Variants in ABCC2 observed in about 807,000 individuals in gnomAD.
ABCC2 encodes the protein ATP-binding cassette sub-family C member 2.
Under a neutral mutation model 173.4 loss-of-function variants are expected in ABCC2, and 157 were observed. The observed-to-expected ratio is 0.91, with a 90% confidence interval of 0.80 to 1.03. The LOEUF is 1.03. Among genes scored for constraint, ABCC2 ranks in the 50% least tolerant of loss-of-function variants. ABCC2 has a pLI of 0.00. For synonymous variants in ABCC2, 657 were observed against 693.5 expected (o/e 0.95, Z 0.83); for missense variants, 1,822 against 1,852.3 (o/e 0.98, Z 0.30).
intron 23 of ABCC2, 43 bp from the exon 24 acceptor site, chr10:99,834,337 G>C: frequency 6.2e-7 from 1 of 1,603,916 alleles, no homozygotes; most frequent in Non-Finnish European, 8.5e-7. Context: ...ACTATCTTAG[G>C]AAGACCTCAG....
chr10:99,821,954 C>T (rs923282285), intron 19 of ABCC2, among the ~76,000 whole-genome samples: 10 of 151,958 alleles, frequency 6.6e-5, no homozygotes, highest in East Asian at 5.8e-4. Flanking sequence ...CAATTTTGGA[C>T]TGCAGGCATT....
chr10:99,800,687 A>G, intron 9 of ABCC2, 124 bp downstream of exon 9: 1 of 1,109,572 alleles, frequency 9.0e-7, no homozygotes, highest in East Asian at 2.4e-5. Context: ...TTGACTGGCC[A>G]TACAGCCTCC....
chr10:99,795,739 G>GA (rs1590145310), intron 6 of ABCC2, among the ~76,000 whole-genome samples: 1 of 27,086 alleles, frequency 3.7e-5, no homozygotes. Flanking sequence ...AAGAAAGAAG[G>GA]AAAGAAAGAA....
intron 9 of ABCC2, 29 bp downstream of exon 9, chr10:99,800,592 A>C: frequency 6.2e-7 from 1 of 1,612,308 alleles, no homozygotes; most frequent in East Asian, 2.2e-5. Context: ...GTATCACCAA[A>C]GAAAATCCCC....
intron 21 of ABCC2, among the ~76,000 whole-genome samples, chr10:99,831,198 ATC>A (rs1273589495): frequency 6.6e-6 from 1 of 152,100 alleles, no homozygotes; most frequent in Non-Finnish European, 1.5e-5. Flanking sequence ...GAACCCCATC[ATC>A]TGTTCCACTC....
intron 2 of ABCC2, 72 bp from the exon 3 acceptor site, chr10:99,792,162 C>T (rs1275349079): frequency 1.5e-5 from 24 of 1,598,058 alleles, no homozygotes; most frequent in South Asian, 8.9e-5. Context: ...TATCCATCAC[C>T]GGAAACCATT....
intron 19 of ABCC2, among the ~76,000 whole-genome samples, chr10:99,822,151 G>A (rs975961785): frequency 1.2e-3 from 179 of 152,280 alleles, no homozygotes; most frequent in African/African-American, 3.7e-3. Context: ...AATTAAGGGC[G>A]GGAAAGGCAC....
intron 9 of ABCC2, among the ~76,000 whole-genome samples, chr10:99,800,857 T>C (rs2038005356): frequency 6.6e-6 from 1 of 152,180 alleles, no homozygotes; most frequent in African/African-American, 2.4e-5. Flanking sequence ...CCCATCCATC[T>C]CTTCCTGCCT....
chr10:99,850,943 C>G, intron 31 of ABCC2, 147 bp downstream of exon 31: 1 of 1,034,368 alleles, frequency 9.7e-7, no homozygotes, highest in Non-Finnish European at 1.5e-6. Context: ...GTCAAGTAAT[C>G]TGGCCAAAAT....
In ABCC2 at chr10:99,819,282, G is replaced by C; in HGVS notation, c.2620+13G>C. The C allele has an allele frequency of 6.2e-7, 1 of 1,611,870 alleles. No individual in the cohort carries two copies. The highest frequency in any genetic ancestry group is 8.5e-7 in the Non-Finnish European group (1 of 1,179,368). On this transcript the variant is annotated intron_variant, in intron 19 of 31. Transcript: ENST00000647814. ...GAGGAAGCCACAGGTATGTAAGAAG[G>C]ATTGGGACAAGATAGAACTTGGGCC...
intron 2 of ABCC2, 44 bp from the exon 3 acceptor site, chr10:99,792,190 T>C (rs778415421): frequency 8.1e-6 from 13 of 1,612,184 alleles, no homozygotes; most frequent in Non-Finnish European, 9.3e-6. Context: ...AAGAGCCTTA[T>C]AAAGAATGAT....
chr10:99,811,460 A>T, intron 14 of ABCC2, 76 bp from the exon 15 acceptor site: 2 of 1,425,996 alleles, frequency 1.4e-6, no homozygotes, highest in South Asian at 2.3e-5. Context: ...TGATGGAGAA[A>T]GCGGAGAGAG....
In ABCC2 at chr10:99,826,980, G is replaced by A. The variant is rs531002082; in HGVS notation, c.2621-3327G>A. ...TTCTAACGTTACTGGGAATTGCCACGCCTCAGTATCTCCTTCCTTTCTTGA... is the reference window on the plus strand; with the variant it reads ...TTCTAACGTTACTGGGAATTGCCACACCTCAGTATCTCCTTCCTTTCTTGA... On this transcript the variant is annotated intron_variant, in intron 19 of 31. Transcript: ENST00000647814. Among the ~76,000 whole-genome samples, 29 of 152,032 alleles carry A rather than the reference G, an allele frequency of 1.9e-4. No homozygotes were observed. The East Asian group carries it at 3.9e-3, about 20-fold the overall frequency.
In ABCC2 at chr10:99,822,430, T is replaced by C. The variant is rs562960728; in HGVS notation, c.2620+3161T>C. 4.8e-4 allele frequency among the ~76,000 whole-genome samples: 72 copies of C among 151,350 alleles called. 1 individual carries two copies. The highest frequency in any genetic ancestry group is 1.7e-3 in the African/African-American group (70 of 40,706). The stretch of plus-strand genomic sequence containing the variant: ...GTGAGTCAACGGTGCTCGACTGTGG[T>C]GTCTCCGTCTCCGCGGAGGTGCTTT... On this transcript the variant is annotated intron_variant, in intron 19 of 31. Transcript: ENST00000647814.
At chr10:99,812,959 G>C (rs1173966405) in intron 15 of ABCC2, 59 bp from the exon 16 acceptor site, 1 of 1,600,240 alleles carries the variant, frequency 6.2e-7, no homozygotes, top group Non-Finnish European at 8.6e-7. Flanking sequence ...GAAGTGACTT[G>C]AACTACTCTT....
chr10:99,829,018 T>C (rs1309388761), intron 19 of ABCC2, among the ~76,000 whole-genome samples: 5 of 151,962 alleles, frequency 3.3e-5, no homozygotes, highest in African/African-American at 1.2e-4. Flanking sequence ...TTTTAAGTTT[T>C]TGGTCAGCTT....
At chr10:99,816,772 C>T (rs1344940654) in intron 16 of ABCC2, among the ~76,000 whole-genome samples, 2 of 152,152 alleles carry the variant, frequency 1.3e-5, no homozygotes, top group South Asian at 2.1e-4. Context: ...ATTAGATTCT[C>T]ATAGGACCAT....
Position 99,808,139 on chromosome 10 carries a change from T to C in ABCC2, c.1725T>C (p.Asp575=). ...TGGTGGATAGCAACAATATTTTGGA[T>C]GCACAAAAGGCCTTCACCTCCATTA... The part of the protein sequence containing the change: ...YVLVDSNNIL[D]AQKAFTSITL... Residue 575 remains aspartate, a synonymous_variant, in exon 13 of 32, where the codon GAT becomes GAC. Coordinates refer to ENST00000647814, the MANE Select transcript of ABCC2 (RefSeq NM_000392.5). The C allele has an allele frequency of 1.9e-6, 3 of 1,614,178 alleles. No individual in the cohort carries two copies. The highest frequency in any genetic ancestry group is 2.5e-6 in the Non-Finnish European group (3 of 1,180,014).
chr10:99,840,900 C>T (rs1258112257), intron 25 of ABCC2, among the ~76,000 whole-genome samples: 3 of 151,912 alleles, frequency 2.0e-5, no homozygotes, highest in East Asian at 1.9e-4. Context: ...AGAAGCTTTC[C>T]TGCCAGTGAG....
Sources: gnomAD v4.1 joint callset for allele counts (sites outside exome capture counted in the v4.1 genomes callset) on GRCh38, gnomAD v4.1.1 for gene constraint, MANE v1.5 for transcripts, NCBI Gene and HGNC (gene_info 2026-07-23, HGNC 2026-07-21) for gene names.